Variants in STIL observed in about 807,000 individuals in gnomAD.
The protein encoded by STIL is SCL-interrupting locus protein.
Under a neutral mutation model 110.1 loss-of-function variants are expected in STIL, and 55 were observed. The ratio of observed to expected loss-of-function variants is 0.50; its 90% CI spans 0.40 to 0.63. The LOEUF (loss-of-function observed/expected upper bound fraction) is 0.63. Ranked by LOEUF, STIL falls within the 20% of genes least tolerant of loss-of-function variation. The pLI is 0.00. For synonymous variants in STIL, 481 were observed against 530.0 expected (o/e 0.91, Z 1.27); for missense variants, 1,358 against 1,530.0 (o/e 0.89, Z 1.87).
chr1:47,289,061 C>CA lies in STIL; in HGVS notation c.1023+373dup, dbSNP rs371944423. Reference sequence around the variant, plus strand: ...TGGGCAACTGAGTGAGATTCCATCTCAAAAAAAAAAAAAAAAAAAAAAAAA... The same window carrying CA: ...TGGGCAACTGAGTGAGATTCCATCTCAAAAAAAAAAAAAAAAAAAAAAAAAA... On this transcript the variant is annotated intron_variant, in intron 9 of 16. Coordinates refer to ENST00000371877, the MANE Select transcript of STIL (RefSeq NM_001048166.1). Among the ~76,000 whole-genome samples, 349 of 83,460 alleles carry CA rather than the reference C, an allele frequency of 4.2e-3. 36 individuals are homozygous for CA. Among genetic ancestry groups the CA allele is most frequent in the Admixed American group, 0.011 (81 of 7,362 alleles). 54.8% of individuals were successfully genotyped at this position (83,460 alleles called of 152,430 possible).
At chr1:47,251,969 A>G in intron 16 of STIL, 47 bp from the exon 17 acceptor site, 1 of 1,575,988 alleles carries the variant, frequency 6.3e-7, no homozygotes, top group South Asian at 1.2e-5. Flanking sequence ...ATTCTAAGTA[A>G]TACATAGTTC....
intron 9 of STIL, among the ~76,000 whole-genome samples, chr1:47,288,373 T>C (rs572381252): frequency 2.4e-4 from 36 of 152,214 alleles, no homozygotes; most frequent in African/African-American, 8.7e-4. Context: ...CTCAGTTCAC[T>C]GCAACCTCTA....
chr1:47,295,628 TAAG>T, intron 7 of STIL, 134 bp downstream of exon 7: 1 of 656,206 alleles, frequency 1.5e-6, no homozygotes, highest in Non-Finnish European at 2.6e-6. Context: ...ACTAGTAAAA[TAAG>T]AAAACCTGAC....
chr1:47,312,432 A>C (rs1646161449), intron 1 of STIL, among the ~76,000 whole-genome samples: 1 of 152,052 alleles, frequency 6.6e-6, no homozygotes. Context: ...CAGCCTGGGC[A>C]ACAGAGCGAG....
chr1:47,287,007 G>C (rs1645321480), intron 10 of STIL, among the ~76,000 whole-genome samples: 1 of 152,252 alleles, frequency 6.6e-6, no homozygotes, highest in Middle Eastern at 3.4e-3. Flanking sequence ...ATAGGCGTGA[G>C]CCATCACACT....
At chr1:47,307,740 AG>A (rs1466720297) in intron 2 of STIL, among the ~76,000 whole-genome samples, 1 of 152,256 alleles carries the variant, frequency 6.6e-6, no homozygotes, top group African/African-American at 2.4e-5. Context: ...TGAGCCAGGC[AG>A]AACAGAGCCA....
chr1:47,287,480 T>C (rs1045191447), intron 10 of STIL, 71 bp downstream of exon 10: 1 of 972,314 alleles, frequency 1.0e-6, no homozygotes, highest in Non-Finnish European at 1.5e-6. Context: ...AATTTAGTTA[T>C]TTTACTCACC....
chr1:47,287,691 T>G, intron 9 of STIL, 31 bp from the exon 10 acceptor site: 1 of 1,531,328 alleles, frequency 6.5e-7, no homozygotes, highest in South Asian at 1.1e-5. Flanking sequence ...TTTTGAGATC[T>G]GACTTAAATA....
chr1:47,288,597 T>A (rs565688597), intron 9 of STIL, among the ~76,000 whole-genome samples: 1 of 152,080 alleles, frequency 6.6e-6, no homozygotes, highest in East Asian at 1.9e-4. Context: ...ACGCCTGGCC[T>A]AAAGATCTAC....
Position 47,304,953 on chromosome 1 carries a change from T to C in STIL, c.88A>G (p.Lys30Glu). ...GGCGTTGGGTTCCAAAGTGCACATT[T>C]TGATGGAGGAAAGTGGAAAGGTACC... Reference protein sequence around the residue: ...RMVPFHFPPSKCALWNPTPTG... With the variant: ...RMVPFHFPPSECALWNPTPTG... The change falls in exon 3 of 17, where the codon AAA becomes GAA. Residue 30 changes from lysine to glutamate, a missense_variant. By Grantham distance (56) the Lys-to-Glu change is moderately conservative. Transcript: ENST00000371877. 6.2e-7 allele frequency: 1 copy of C among 1,614,080 alleles called. No homozygotes were observed.
intron 1 of STIL, 29 bp from the exon 2 acceptor site, chr1:47,310,391 G>C: frequency 7.2e-7 from 1 of 1,389,018 alleles, no homozygotes. Context: ...TATTACTAAT[G>C]AATGATAAAA....
chr1:47,266,604 T>C (rs958800396), intron 14 of STIL, among the ~76,000 whole-genome samples: 2 of 152,226 alleles, frequency 1.3e-5, no homozygotes, highest in African/African-American at 2.4e-5. Context: ...TTAACCTCTT[T>C]AAACTGTTTC....
intron 16 of STIL, among the ~76,000 whole-genome samples, chr1:47,259,284 C>CTT (rs1644414585): frequency 1.6e-5 from 1 of 61,460 alleles, no homozygotes; most frequent in African/African-American, 4.9e-5. Context: ...CCGCGCCCGG[C>CTT]CTTTTTTTTT....
Position 47,280,972 on chromosome 1 carries a change from T to C in STIL, c.1486A>G (p.Lys496Glu), listed in dbSNP as rs1304286724. The C allele has an allele frequency of 1.9e-6, 3 of 1,613,926 alleles. No homozygotes were observed. The African/African-American group carries it at 4.0e-5, about 22-fold the overall frequency. ...TTGCAGTGTCTCAAAAGAGCTGGTT[T>C]ATCCTGGTTTAACTGATTTGGTATT... Reference protein sequence around the residue: ...RGIPNQLNQDKPALLRHCKVR... With the variant: ...RGIPNQLNQDEPALLRHCKVR... The change falls in exon 12 of 17, where the codon AAA becomes GAA. Residue 496 changes from lysine (K) to glutamate (E), a missense_variant. Coordinates refer to ENST00000371877, the MANE Select transcript of STIL (RefSeq NM_001048166.1).
intron 16 of STIL, among the ~76,000 whole-genome samples, chr1:47,258,922 T>G (rs918858114): frequency 6.7e-6 from 1 of 149,612 alleles, no homozygotes; most frequent in Non-Finnish European, 1.5e-5. Context: ...GCTTATCACA[T>G]ACACATATAC....
rs1645130776 is a variant in STIL, at chr1:47,280,624, T to C, written c.1834A>G (p.Ile612Val). The C allele has an allele frequency of 6.2e-7, 1 of 1,614,074 alleles. No homozygotes were observed. ...CAAGAATTTAGCGGACTATATTGAA[T>C]ATGACTATGATGCTGACAACACCTG... ...VCRCCQHHSHIQYSPLNSWQG... is the reference protein window; with the variant it reads ...VCRCCQHHSHVQYSPLNSWQG... Residue 612 changes from isoleucine to valine, a missense_variant, in exon 12 of 17, where the codon ATT becomes GTT. By Grantham distance (29) the Ile-to-Val change is conservative. Transcript: ENST00000371877.
chr1:47,304,370 A>C (rs1018355846), intron 3 of STIL, among the ~76,000 whole-genome samples: 9 of 151,732 alleles, frequency 5.9e-5, no homozygotes, highest in Non-Finnish European at 1.2e-4. Context: ...ATTACAGAAA[A>C]GCATCTTGAA....
chr1:47,270,910 A>G (rs774026634), intron 13 of STIL, among the ~76,000 whole-genome samples: 2 of 151,936 alleles, frequency 1.3e-5, no homozygotes, highest in South Asian at 2.1e-4. Flanking sequence ...AACTCCTAGC[A>G]TCAGGCAATC....
At chr1:47,310,190 G>A (rs1275508550) in intron 2 of STIL, 86 bp downstream of exon 2, 2 of 1,349,554 alleles carry the variant, frequency 1.5e-6, no homozygotes, top group Admixed American at 1.8e-5. Flanking sequence ...TGATTCTAAA[G>A]ATTATATTCT....
Sources: gnomAD v4.1 joint callset for allele counts (sites outside exome capture counted in the v4.1 genomes callset) on GRCh38, gnomAD v4.1.1 for gene constraint, MANE v1.5 for transcripts, NCBI Gene and HGNC (gene_info 2026-07-23, HGNC 2026-07-21) for gene names.